The following SGMS1 variants were observed in gnomAD, a reference collection of about 807,000 sequenced individuals.
SGMS1 encodes the protein phosphatidylcholine:ceramide cholinephosphotransferase 1.
In SGMS1, 13 loss-of-function variants were observed where a neutral mutation model predicts 46.2. That is an observed-to-expected ratio of 0.28 (90% confidence interval 0.18 to 0.45). The LOEUF is 0.45. Among genes scored for constraint, SGMS1 ranks in the 20% least tolerant of loss-of-function variants. SGMS1 has a pLI of 1.00. For synonymous variants in SGMS1, 203 were observed against 187.8 expected, an observed-to-expected ratio of 1.08 and a Z score of -0.66; for missense variants, 324 against 519.9, an observed-to-expected ratio of 0.62 and a Z score of 3.66.
At chr10:50,545,302 T>C (rs1392959935) in intron 2 of SGMS1, among the ~76,000 whole-genome samples, 1 of 152,188 alleles carries the variant, frequency 6.6e-6, no homozygotes, top group African/African-American at 2.4e-5. Flanking sequence ...AAGAAGTATT[T>C]GTGTGTCCCC....
chr10:50,476,694 C>T (rs917488282), intron 3 of SGMS1, among the ~76,000 whole-genome samples: 5 of 152,174 alleles, frequency 3.3e-5, no homozygotes, highest in Non-Finnish European at 7.3e-5. Flanking sequence ...CGCTGGGCAG[C>T]ATCAGGTCAT....
intron 3 of SGMS1, among the ~76,000 whole-genome samples, chr10:50,485,639 C>A (rs1232608014): frequency 6.6e-6 from 1 of 152,156 alleles, no homozygotes; most frequent in Non-Finnish European, 1.5e-5. Flanking sequence ...GTGGCTCACA[C>A]CCATAATCCC....
chr10:50,558,458 G>T (rs1838206802), intron 2 of SGMS1, among the ~76,000 whole-genome samples: 1 of 152,162 alleles, frequency 6.6e-6, no homozygotes, highest in Non-Finnish European at 1.5e-5. Context: ...AAATATCCCG[G>T]ATAAGCTGCT....
At position 50,413,559 on chromosome 10, in the gene SGMS1, G is replaced by A. The variant is rs900515703; in HGVS notation, c.-232+19917C>T. 1.2e-4 allele frequency among the ~76,000 whole-genome samples: 18 copies of A among 152,228 alleles called. 1 individual carries two copies. Among genetic ancestry groups the A allele is most frequent in the African/African-American group, 4.1e-4 (17 of 41,460 alleles). ...GACATTTTGGACAGGATAACTCTTT[G>A]CTGTGGGGCCTCTGTCCTGTGCACT... On this transcript the variant is annotated intron_variant, in intron 6 of 10. Coordinates refer to ENST00000361781, the MANE Select transcript of SGMS1 (RefSeq NM_147156.4).
At chr10:50,384,112 C>A (rs564352494) in intron 6 of SGMS1, among the ~76,000 whole-genome samples, 1 of 152,152 alleles carries the variant, frequency 6.6e-6, no homozygotes, top group Non-Finnish European at 1.5e-5. Flanking sequence ...CTCCAGAACT[C>A]TGAGAAACAA....
chr10:50,459,515 T>C (rs1837237946), intron 5 of SGMS1, among the ~76,000 whole-genome samples: 1 of 152,174 alleles, frequency 6.6e-6, no homozygotes, highest in Non-Finnish European at 1.5e-5. Context: ...GTGATTCTCC[T>C]GCCTCAGCCT....
intron 6 of SGMS1, among the ~76,000 whole-genome samples, chr10:50,369,657 C>G (rs1848404130): frequency 6.6e-6 from 1 of 151,858 alleles, no homozygotes; most frequent in Admixed American, 6.6e-5. Context: ...CAGCAAGATG[C>G]CATTCTTTAG....
chr10:50,404,796 C>G (rs1381686698), intron 6 of SGMS1, among the ~76,000 whole-genome samples: 1 of 152,032 alleles, frequency 6.6e-6, no homozygotes, highest in African/African-American at 2.4e-5. Flanking sequence ...CACAATCCCC[C>G]CAATGGCAAC....
At chr10:50,517,980 A>G (rs1261788328) in intron 3 of SGMS1, among the ~76,000 whole-genome samples, 1 of 152,220 alleles carries the variant, frequency 6.6e-6, no homozygotes. Context: ...ATTCTCAGGA[A>G]AAGAAAAAAT....
chr10:50,551,461 T>A (rs1156988096), intron 2 of SGMS1, among the ~76,000 whole-genome samples: 1 of 149,518 alleles, frequency 6.7e-6, no homozygotes, highest in Admixed American at 6.7e-5. Flanking sequence ...GAATACTGAA[T>A]GGGATCATGG....
intron 3 of SGMS1, among the ~76,000 whole-genome samples, chr10:50,481,887 T>G (rs918680464): frequency 6.6e-6 from 1 of 152,086 alleles, no homozygotes; most frequent in African/African-American, 2.4e-5. Context: ...CAACTACAAG[T>G]ATCAAGAGCC....
intron 6 of SGMS1, among the ~76,000 whole-genome samples, chr10:50,408,340 C>T (rs1445054712): frequency 1.0e-4 from 15 of 148,806 alleles, no homozygotes; most frequent in South Asian, 4.3e-4. Context: ...CAGTGGCTCA[C>T]GCCTGTAATC....
In SGMS1 at chr10:50,623,935, G is replaced by A. The variant is rs527987196; in HGVS notation, c.-912C>T. ...CCGCTGGTGCGAACGCTTTCGACTT[G>A]CCACCGCGAGCCTCCCGGGCTGCCG... On this transcript the variant is annotated 5_prime_UTR_variant, in exon 1 of 11. Transcript: ENST00000361781. The A allele has an allele frequency of 5.8e-5, 57 of 986,404 alleles. No individual in the cohort carries two copies. Among genetic ancestry groups the A allele is most frequent in the Non-Finnish European group, 6.9e-5 (57 of 830,794 alleles). The allele number at this position is 986,404 out of a possible 1,614,324, so 61.1% of individuals were successfully genotyped here.
At chr10:50,525,967 CCT>C (rs1386614288) in intron 2 of SGMS1, among the ~76,000 whole-genome samples, 1 of 152,078 alleles carries the variant, frequency 6.6e-6, no homozygotes, top group Non-Finnish European at 1.5e-5. Flanking sequence ...GTGATTTTTG[CCT>C]CAGAAGTTGC....
At chr10:50,504,126 G>C (rs1320243377) in intron 3 of SGMS1, among the ~76,000 whole-genome samples, 1 of 152,174 alleles carries the variant, frequency 6.6e-6, no homozygotes, top group Non-Finnish European at 1.5e-5. Context: ...AGTCTGACAA[G>C]TATAAACAGA....
chr10:50,478,800 G>A (rs1291549714), intron 3 of SGMS1, among the ~76,000 whole-genome samples: 1 of 151,964 alleles, frequency 6.6e-6, no homozygotes, highest in Non-Finnish European at 1.5e-5. Flanking sequence ...TACAACAATC[G>A]ATTCAATTAG....
At chr10:50,489,851 G>A (rs1009997364) in intron 3 of SGMS1, among the ~76,000 whole-genome samples, 2 of 152,290 alleles carry the variant, frequency 1.3e-5, no homozygotes, top group Admixed American at 6.5e-5. Context: ...GCAGGTGCCT[G>A]TAATCCCACC....
At chr10:50,415,089 C>A (rs1269969320) in intron 6 of SGMS1, among the ~76,000 whole-genome samples, 1 of 152,224 alleles carries the variant, frequency 6.6e-6, no homozygotes, top group Non-Finnish European at 1.5e-5. Context: ...CCACTGCACT[C>A]CAGCCTGGGT....
chr10:50,559,040 A>C (rs1057256758), intron 2 of SGMS1, among the ~76,000 whole-genome samples: 2 of 152,126 alleles, frequency 1.3e-5, no homozygotes, highest in Admixed American at 1.3e-4. Flanking sequence ...ATAAGTCTCA[A>C]AGCTGCTGCA....
Sources: allele counts gnomAD v4.1 joint callset (sites outside exome capture counted in the v4.1 genomes callset), GRCh38; gene constraint gnomAD v4.1.1; transcripts MANE v1.5; gene names NCBI Gene and HGNC (gene_info 2026-07-23, HGNC 2026-07-21).